The following DLGAP1 variants were observed in gnomAD, a reference collection of about 807,000 sequenced individuals.
The protein encoded by DLGAP1 is disks large-associated protein 1.
A neutral mutation model predicts 90.8 loss-of-function variants in DLGAP1; 11 were observed. The observed-to-expected ratio is 0.12, with a 90% confidence interval of 0.08 to 0.20. DLGAP1 has a LOEUF of 0.20. Ranked by LOEUF, DLGAP1 falls within the 10% of genes least tolerant of loss-of-function variation. The pLI is 1.00. For synonymous variants in DLGAP1, 558 were observed against 540.7 expected (o/e 1.03, Z -0.44); for missense variants, 1,050 against 1,333.8 (o/e 0.79, Z 3.31).
intron 7 of DLGAP1, chr18:3,593,859 C>G (rs917927808): frequency 3.3e-5 from 5 of 152,172 alleles, no homozygotes; most frequent in African/African-American, 1.2e-4. Flanking sequence ...AGGTTTGTTT[C>G]AGAGTCACAA....
At chr18:3,835,884 ATTCTT>A (rs1266139791) in intron 4 of DLGAP1, among the ~76,000 whole-genome samples, 2 of 152,132 alleles carry the variant, frequency 1.3e-5, no homozygotes, top group Non-Finnish European at 2.9e-5. Context: ...CATCGCCATC[ATTCTT>A]TTATCAATTA....
intron 7 of DLGAP1, among the ~76,000 whole-genome samples, chr18:3,620,743 A>C (rs1599579818): frequency 6.6e-6 from 1 of 152,196 alleles, no homozygotes; most frequent in Non-Finnish European, 1.5e-5. Context: ...TTTTTAGTAC[A>C]GACGGGGTTT....
At chr18:3,663,578 T>G (rs114817300) in intron 7 of DLGAP1, among the ~76,000 whole-genome samples, 1,870 of 152,288 alleles carry the variant, frequency 0.012, 40 homozygotes, top group African/African-American at 0.043. Context: ...CTATCTCTTG[T>G]ATAGGAACTG....
chr18:3,586,498 T>C (rs2055896665), intron 7 of DLGAP1, among the ~76,000 whole-genome samples: 2 of 152,100 alleles, frequency 1.3e-5, no homozygotes, highest in African/African-American at 4.8e-5. Context: ...CTGCTTTTTT[T>C]TTTTCAACTA....
At chr18:4,223,290 A>G (rs1301001791) in intron 1 of DLGAP1, among the ~76,000 whole-genome samples, 1 of 152,176 alleles carries the variant, frequency 6.6e-6, no homozygotes, top group Non-Finnish European at 1.5e-5. Flanking sequence ...GCAGGAATAA[A>G]ATGTATAATT....
At chr18:3,641,075 C>G (rs1191459527) in intron 7 of DLGAP1, among the ~76,000 whole-genome samples, 1 of 152,024 alleles carries the variant, frequency 6.6e-6, no homozygotes, top group Non-Finnish European at 1.5e-5. Flanking sequence ...TGAGGCACAG[C>G]AAACAAGAGT....
intron 5 of DLGAP1, among the ~76,000 whole-genome samples, chr18:3,813,098 C>T (rs1294034503): frequency 2.6e-5 from 4 of 152,146 alleles, no homozygotes; most frequent in Non-Finnish European, 5.9e-5. Flanking sequence ...TGGTTTCCTG[C>T]GTAGCGCTAT....
At chr18:4,118,141 T>A (rs1270580884) in intron 2 of DLGAP1, among the ~76,000 whole-genome samples, 1 of 152,118 alleles carries the variant, frequency 6.6e-6, no homozygotes, top group African/African-American at 2.4e-5. Flanking sequence ...TCTGAATTGC[T>A]CTCCAACAAG....
At chr18:3,853,926 T>C (rs551640526) in intron 4 of DLGAP1, among the ~76,000 whole-genome samples, 2 of 152,324 alleles carry the variant, frequency 1.3e-5, no homozygotes, top group African/African-American at 4.8e-5. Flanking sequence ...TATATTGTGC[T>C]TTCTTTTTTT....
intron 1 of DLGAP1, among the ~76,000 whole-genome samples, chr18:4,447,127 G>A (rs938777428): frequency 6.6e-6 from 1 of 152,168 alleles, no homozygotes; most frequent in Admixed American, 6.5e-5. Context: ...TCTGCTAGAT[G>A]TGAAGATACG....
intron 3 of DLGAP1, among the ~76,000 whole-genome samples, chr18:3,956,085 CAT>C (rs1299206589): frequency 6.6e-6 from 1 of 152,146 alleles, no homozygotes; most frequent in Non-Finnish European, 1.5e-5. Flanking sequence ...GAACTCCAAA[CAT>C]GTGAAATATG....
chr18:3,703,519 G>C (rs2061343929), intron 7 of DLGAP1, among the ~76,000 whole-genome samples: 1 of 152,246 alleles, frequency 6.6e-6, no homozygotes, highest in Non-Finnish European at 1.5e-5. Flanking sequence ...CTCTGTAGAA[G>C]GAGGAGTGTG....
At chr18:4,366,507 C>T (rs2081770256) in intron 1 of DLGAP1, among the ~76,000 whole-genome samples, 1 of 151,912 alleles carries the variant, frequency 6.6e-6, no homozygotes, top group Non-Finnish European at 1.5e-5. Context: ...TGATCTGTGG[C>T]CTTCCTAGGG....
chr18:3,977,683 C>T, intron 3 of DLGAP1: 1 of 323,884 alleles, frequency 3.1e-6, no homozygotes. Flanking sequence ...GTCTACTACC[C>T]TGTTGCTGTA....
chr18:3,910,144 G>C (rs1000815832), intron 3 of DLGAP1, among the ~76,000 whole-genome samples: 1 of 149,878 alleles, frequency 6.7e-6, no homozygotes, highest in African/African-American at 2.5e-5. Context: ...AGTATCCCTG[G>C]CTAATATTAA....
chr18:3,759,521 T>C (rs1227614053), intron 5 of DLGAP1, among the ~76,000 whole-genome samples: 1 of 152,218 alleles, frequency 6.6e-6, no homozygotes, highest in Non-Finnish European at 1.5e-5. Context: ...ATTTAGACTC[T>C]TGTGGCACTT....
intron 1 of DLGAP1, among the ~76,000 whole-genome samples, chr18:4,348,157 G>A (rs901484420): frequency 8.6e-5 from 13 of 152,000 alleles, no homozygotes; most frequent in African/African-American, 2.4e-4. Context: ...CTGATTAAAG[G>A]TTTGTTTTTC....
At chr18:3,731,624 C>G (rs2062434276) in intron 6 of DLGAP1, among the ~76,000 whole-genome samples, 1 of 145,954 alleles carries the variant, frequency 6.9e-6, no homozygotes, top group African/African-American at 2.5e-5. Context: ...CCAGGCTGGT[C>G]TCTCAAACTC....
intron 7 of DLGAP1, among the ~76,000 whole-genome samples, chr18:3,595,502 A>G (rs969378079): frequency 6.7e-6 from 1 of 149,504 alleles, no homozygotes; most frequent in East Asian, 1.9e-4. Flanking sequence ...CAGGCATGAG[A>G]AAAAAAAAAG....
Sources: gnomAD v4.1 joint callset for allele counts (sites outside exome capture counted in the v4.1 genomes callset) on GRCh38, gnomAD v4.1.1 for gene constraint, MANE v1.5 for transcripts, NCBI Gene and HGNC (gene_info 2026-07-23, HGNC 2026-07-21) for gene names.